The following PTCSC3 variants were observed in gnomAD, a reference collection of about 807,000 sequenced individuals.
The protein encoded by PTCSC3 is papillary thyroid carcinoma susceptibility candidate 3 (non-protein coding).
intron 3 of PTCSC3, among the ~76,000 whole-genome samples, chr14:36,152,262 A>G (rs985449323): frequency 5.9e-5 from 9 of 152,176 alleles, no homozygotes; most frequent in African/African-American, 1.9e-4. Context: ...ATTGGACTTT[A>G]TTAAAATAAA....
chr14:36,172,836 C>T (rs974988288), intron 1 of PTCSC3, among the ~76,000 whole-genome samples: 1 of 152,076 alleles, frequency 6.6e-6, no homozygotes, highest in Non-Finnish European at 1.5e-5. Context: ...AAAAAGCCTC[C>T]CAGCCCTCTG....
At chr14:36,140,832 C>CTGTG (rs979014221) in intron 3 of PTCSC3, among the ~76,000 whole-genome samples, 1 of 151,976 alleles carries the variant, frequency 6.6e-6, no homozygotes, top group African/African-American at 2.4e-5. Flanking sequence ...GATTTTCTTC[C>CTGTG]TGTGTTATCT....
At chr14:36,135,889 GTA>G (rs947761485), downstream of PTCSC3, among the ~76,000 whole-genome samples, 4 of 139,334 alleles carry the variant, frequency 2.9e-5, no homozygotes, top group Non-Finnish European at 4.7e-5. Context: ...GTGTGTGTGT[GTA>G]TATATATATG....
At chr14:36,140,139 C>T (rs1180851923) in intron 3 of PTCSC3, among the ~76,000 whole-genome samples, 1 of 152,110 alleles carries the variant, frequency 6.6e-6, no homozygotes, top group East Asian at 1.9e-4. Context: ...CATTTGTTTC[C>T]TCTGTATCTT....
At chr14:36,149,171 T>C (rs761905367) in intron 3 of PTCSC3, among the ~76,000 whole-genome samples, 2 of 152,174 alleles carry the variant, frequency 1.3e-5, no homozygotes, top group Non-Finnish European at 2.9e-5. Flanking sequence ...CTTGCTGCAT[T>C]CTGCACATTT....
At chr14:36,155,332 AT>A (rs1376095868) in intron 2 of PTCSC3, among the ~76,000 whole-genome samples, 1 of 152,226 alleles carries the variant, frequency 6.6e-6, no homozygotes, top group African/African-American at 2.4e-5. Context: ...TAAAAACTTT[AT>A]CAAGAAAACC....
chr14:36,148,711 T>C (rs150189917), intron 3 of PTCSC3, among the ~76,000 whole-genome samples: 3 of 152,348 alleles, frequency 2.0e-5, no homozygotes, highest in African/African-American at 7.2e-5. Flanking sequence ...CTTTAATAGA[T>C]TCAGGCCTAT....
At chr14:36,157,961 G>A (rs990944084) in intron 2 of PTCSC3, among the ~76,000 whole-genome samples, 2 of 152,186 alleles carry the variant, frequency 1.3e-5, no homozygotes, top group Non-Finnish European at 2.9e-5. Context: ...TCTCCTTGAA[G>A]AGGTCCTTCA....
At chr14:36,161,027 G>A (rs1273796164) in intron 2 of PTCSC3, among the ~76,000 whole-genome samples, 1 of 152,060 alleles carries the variant, frequency 6.6e-6, no homozygotes, top group Admixed American at 6.6e-5. Context: ...TGATACTTGT[G>A]TATGCTTCAT....
intron 3 of PTCSC3, among the ~76,000 whole-genome samples, chr14:36,137,948 T>TA (rs1881327871): frequency 6.6e-6 from 1 of 152,122 alleles, no homozygotes; most frequent in Admixed American, 6.5e-5. Flanking sequence ...TTGATAGCAA[T>TA]AAAGTCCTGG....
At chr14:36,172,685 C>T (rs1023018126) in intron 1 of PTCSC3, among the ~76,000 whole-genome samples, 3 of 152,068 alleles carry the variant, frequency 2.0e-5, no homozygotes, top group South Asian at 2.1e-4. Context: ...GATTTATGAC[C>T]CATGTATCCC....
chr14:36,168,359 GAATATATATATATA>G (rs1882132656), intron 1 of PTCSC3, among the ~76,000 whole-genome samples: 1 of 56,960 alleles, frequency 1.8e-5, no homozygotes, highest in Non-Finnish European at 2.9e-5. Context: ...TATTGATTCT[GAATATATATATATA>G]TATATATATA....
At chr14:36,169,070 A>C (rs970883591) in intron 1 of PTCSC3, among the ~76,000 whole-genome samples, 1 of 151,922 alleles carries the variant, frequency 6.6e-6, no homozygotes, top group Non-Finnish European at 1.5e-5. Context: ...TTAAAAAAAA[A>C]CTCTCTTAAA....
intron 1 of PTCSC3, among the ~76,000 whole-genome samples, chr14:36,165,963 T>G (rs1882077749): frequency 6.6e-6 from 1 of 152,166 alleles, no homozygotes; most frequent in African/African-American, 2.4e-5. Context: ...GGATGAGAAG[T>G]TCTCTTTTAA....
In PTCSC3 at chr14:36,142,081, G is replaced by A. The variant is rs192490404; in HGVS notation, n.323-5725C>T. ...AATGTTGAATAGGTGTGGTGAGAGG[G>A]ACATCCTGGTTTCATTCCTTATCTT... On this transcript the variant is annotated intron_variant and non_coding_transcript_variant, in intron 3 of 3. Transcript: ENST00000556013. Among the ~76,000 whole-genome samples the A allele has an allele frequency of 7.7e-4, 118 of 152,304 alleles. 1 individual carries two copies. Among genetic ancestry groups the A allele is most frequent in the African/African-American group, 2.6e-3 (109 of 41,568 alleles).
chr14:36,150,670 C>T lies in PTCSC3; in HGVS notation n.322+3134G>A, dbSNP rs931703723. On this transcript the variant is annotated intron_variant and non_coding_transcript_variant, in intron 3 of 3. Coordinates refer to ENST00000556013, the Ensembl canonical transcript of PTCSC3. ...AGCATTTTATATGATTCCATTTTCC[C>T]TCCTTTCTTAGAAATCGATTAAAAA... 4.6e-5 allele frequency among the ~76,000 whole-genome samples: 7 copies of T among 152,152 alleles called. No homozygotes were observed. The South Asian group carries it at 1.5e-3, about 32-fold the overall frequency.
At chr14:36,167,142 C>G (rs1339524574) in intron 1 of PTCSC3, among the ~76,000 whole-genome samples, 1 of 152,194 alleles carries the variant, frequency 6.6e-6, no homozygotes. Context: ...ATTTTAAACC[C>G]AGCAATAGTG....
chr14:36,164,560 G>A (rs945785912), intron 1 of PTCSC3, among the ~76,000 whole-genome samples: 9 of 150,568 alleles, frequency 6.0e-5, no homozygotes, highest in African/African-American at 1.9e-4. Context: ...CCAGGAAAAC[G>A]TCTTAAATGT....
At chr14:36,172,823 C>G (rs1470789848) in intron 1 of PTCSC3, among the ~76,000 whole-genome samples, 2 of 152,116 alleles carry the variant, frequency 1.3e-5, no homozygotes, top group Non-Finnish European at 2.9e-5. Context: ...ATTCTCCCAT[C>G]TCAAAAAGCC....
Sources: allele counts gnomAD v4.1 joint callset (sites outside exome capture counted in the v4.1 genomes callset), GRCh38; gene constraint gnomAD v4.1.1; transcripts MANE v1.5; gene names NCBI Gene and HGNC (gene_info 2026-07-23, HGNC 2026-07-21).